Variants in HDAC4 observed in about 807,000 individuals in gnomAD.
HDAC4 encodes histone deacetylase A.
A neutral mutation model predicts 135.1 loss-of-function variants in HDAC4; 16 were observed. That is an observed-to-expected ratio of 0.12 (90% confidence interval 0.08 to 0.18). The LOEUF is 0.18. Among genes scored for constraint, HDAC4 ranks in the 10% least tolerant of loss-of-function variants. HDAC4 has a pLI of 1.00. For synonymous variants in HDAC4, 685 were observed against 653.4 expected (o/e 1.05, Z -0.74); for missense variants, 1,143 against 1,511.8 (o/e 0.76, Z 4.05).
At chr2:239,209,767 T>G (rs1414910212) in intron 3 of HDAC4, among the ~76,000 whole-genome samples, 1 of 152,200 alleles carries the variant, frequency 6.6e-6, no homozygotes, top group Non-Finnish European at 1.5e-5. Flanking sequence ...AGGACCTGTA[T>G]CCGTAACATG....
intron 1 of HDAC4, among the ~76,000 whole-genome samples, chr2:239,359,314 C>A (rs954804206): frequency 9.9e-5 from 15 of 152,212 alleles, no homozygotes; most frequent in African/African-American, 3.4e-4. Flanking sequence ...TTTGAAAATG[C>A]ATATACCCAT....
chr2:239,080,387 G>T lies in HDAC4; in HGVS notation c.2750+708C>A, dbSNP rs757765171. Among the ~76,000 whole-genome samples, 3 of 152,184 alleles carry T rather than the reference G, an allele frequency of 2.0e-5. No individual in the cohort carries two copies. In the South Asian group the frequency reaches 6.2e-4, roughly 32 times the overall value. ...CTAATAAAACCCTTCTCCTCACGTG[G>T]CTCTGGGAACCGATGTGGGCTGTGG... On this transcript the variant is annotated intron_variant, in intron 22 of 26. Coordinates refer to ENST00000543185, the MANE Select transcript of HDAC4 (RefSeq NM_001378414.1).
rs150148387 is a variant in HDAC4 at position 239,381,584 on chromosome 2, T to C, written c.-220+19394A>G. On this transcript the variant is annotated intron_variant, in intron 1 of 26. Transcript: ENST00000543185. ...AATTACTATTTAAGTTCTATGACTG[T>C]ACAGTGGAACAAAATCCATACTGGG... 3.5e-3 allele frequency among the ~76,000 whole-genome samples: 536 copies of C among 152,364 alleles called. 4 individuals are homozygous for C. Among genetic ancestry groups the C allele is most frequent in the African/African-American group, 0.012 (512 of 41,590 alleles).
intron 2 of HDAC4, among the ~76,000 whole-genome samples, chr2:239,250,358 C>T (rs1291824447): frequency 6.6e-6 from 1 of 152,230 alleles, no homozygotes; most frequent in Non-Finnish European, 1.5e-5. Context: ...CCCCAGAGAT[C>T]CCGGGGCCAC....
In HDAC4 at chr2:239,368,465, C is replaced by T. The variant is rs59182490; in HGVS notation, c.-219-15547G>A. 1.6e-3 allele frequency among the ~76,000 whole-genome samples: 245 copies of T among 152,290 alleles called. 3 individuals are homozygous for T. Among genetic ancestry groups the T allele is most frequent in the African/African-American group, 5.6e-3 (234 of 41,554 alleles). Reference sequence around the variant, plus strand: ...GGGTCTCATCAAGGCAGCAGAACAGCTTCTTGAAACAAACTCAAGATTGAC... The same window carrying T: ...GGGTCTCATCAAGGCAGCAGAACAGTTTCTTGAAACAAACTCAAGATTGAC... On this transcript the variant is annotated intron_variant, in intron 1 of 26. Coordinates refer to ENST00000543185, the MANE Select transcript of HDAC4 (RefSeq NM_001378414.1).
Position 239,323,808 on chromosome 2 carries a change from A to AG in HDAC4, c.22+28869dup, listed in dbSNP as rs35554416. On this transcript the variant is annotated intron_variant, in intron 2 of 26. Transcript: ENST00000543185. ...ATCACACACACCTGGGGGCCTGCAC[A>AG]GGGAAAAAACGCTGCCACTCAAGCA... Among the ~76,000 whole-genome samples, 4 of 152,176 alleles carry AG rather than the reference A, an allele frequency of 2.6e-5. No homozygotes were observed. In the East Asian group the frequency reaches 5.8e-4, roughly 22 times the overall value.
chr2:239,050,075 C>G lies in HDAC4; in HGVS notation c.*3022G>C, dbSNP rs753821844. The G allele has an allele frequency of 1.7e-4, 26 of 152,662 alleles. No individual in the cohort carries two copies. The highest frequency in any genetic ancestry group is 3.2e-4 in the Non-Finnish European group (22 of 68,068). The allele number at this position is 152,662 out of a possible 1,614,324, so 9.5% of individuals were successfully genotyped here. A position where few individuals can be genotyped will look rare whatever the true frequency, so the allele number is the denominator to read the frequency against. ...GACGCCGAGGCAGATCCTCTGCCAT[C>G]TGCCCTGGACGCTTGCTGTGGAGAA... On this transcript the variant is annotated 3_prime_UTR_variant, in exon 27 of 27. Transcript: ENST00000543185.
At chr2:239,391,165 C>T (rs1395708878) in intron 1 of HDAC4, among the ~76,000 whole-genome samples, 1 of 152,196 alleles carries the variant, frequency 6.6e-6, no homozygotes, top group Non-Finnish European at 1.5e-5. Flanking sequence ...CTCTGCATAC[C>T]GGGTAGGGAC....
At chr2:239,387,796 T>C (rs1695926123) in intron 1 of HDAC4, among the ~76,000 whole-genome samples, 1 of 152,068 alleles carries the variant, frequency 6.6e-6, no homozygotes, top group Admixed American at 6.5e-5. Flanking sequence ...CTCACTCTAC[T>C]TTCCAACAAG....
At chr2:239,253,218 A>C (rs927254647) in intron 2 of HDAC4, among the ~76,000 whole-genome samples, 1 of 152,250 alleles carries the variant, frequency 6.6e-6, no homozygotes, top group Admixed American at 6.5e-5. Context: ...ATCATACGGC[A>C]AAGAAAACAC....
chr2:239,071,687 G>A (rs560351376), intron 22 of HDAC4, among the ~76,000 whole-genome samples: 4 of 152,084 alleles, frequency 2.6e-5, no homozygotes, highest in South Asian at 4.2e-4. Flanking sequence ...TGGGAAAGCC[G>A]TGCTCCATCT....
chr2:239,182,098 G>A (rs1035988091), intron 4 of HDAC4, among the ~76,000 whole-genome samples: 2 of 152,198 alleles, frequency 1.3e-5, no homozygotes, highest in Non-Finnish European at 2.9e-5. Flanking sequence ...CCGGAGCTGT[G>A]TACACAGGGA....
At chr2:239,244,866 G>C (rs576932748) in intron 2 of HDAC4, among the ~76,000 whole-genome samples, 44 of 152,280 alleles carry the variant, frequency 2.9e-4, no homozygotes, top group South Asian at 1.0e-3. Context: ...GCATAGGCTT[G>C]ATGCTCCATA....
chr2:239,221,046 G>A (rs747495110), intron 3 of HDAC4, among the ~76,000 whole-genome samples: 5 of 152,128 alleles, frequency 3.3e-5, no homozygotes, highest in Non-Finnish European at 7.3e-5. Context: ...TTCTGCGGGC[G>A]GTGGCGTGTG....
chr2:239,088,930 G>GT (rs1256896003), intron 18 of HDAC4, among the ~76,000 whole-genome samples: 1 of 152,132 alleles, frequency 6.6e-6, no homozygotes, highest in Non-Finnish European at 1.5e-5. Context: ...GAAGATCCAT[G>GT]TAACTCCGTG....
chr2:239,287,985 A>AC (rs933438115), intron 2 of HDAC4, among the ~76,000 whole-genome samples: 1 of 151,980 alleles, frequency 6.6e-6, no homozygotes, highest in African/African-American at 2.4e-5. Flanking sequence ...GGAAATATGA[A>AC]CCCCAAATAG....
At chr2:239,105,703 T>C (rs575048648) in intron 15 of HDAC4, among the ~76,000 whole-genome samples, 1 of 152,282 alleles carries the variant, frequency 6.6e-6, no homozygotes, top group African/African-American at 2.4e-5. Context: ...GGGCCTGGGC[T>C]TCGGTCTTGC....
rs920854230 is a variant in HDAC4, at chr2:239,167,231, G to T, written c.491-3308C>A. 6.6e-6 allele frequency among the ~76,000 whole-genome samples: 1 copy of T among 152,196 alleles called. No individual in the cohort carries two copies. The highest frequency in any genetic ancestry group is 2.4e-5 in the African/African-American group (1 of 41,462). ...AGTTCCCAGGGACAGCTGTTACTGT[G>T]GATCCACTGGCCCTCCACGGGGGAG... On this transcript the variant is annotated intron_variant, in intron 5 of 26. Transcript: ENST00000543185. The surrounding 1 kb of genome is among the most constrained non-coding windows in gnomAD (Gnocchi z 4.1).
chr2:239,062,578 G>A (rs944207664), intron 24 of HDAC4, among the ~76,000 whole-genome samples: 2 of 152,234 alleles, frequency 1.3e-5, no homozygotes, highest in Non-Finnish European at 2.9e-5. Flanking sequence ...GGCTGAAAGC[G>A]AAGTTCCCTA....
Sources: allele counts gnomAD v4.1 joint callset (sites outside exome capture counted in the v4.1 genomes callset), GRCh38; gene constraint gnomAD v4.1.1; non-coding constraint Gnocchi (gnomAD v3.1); transcripts MANE v1.5; gene names NCBI Gene and HGNC (gene_info 2026-07-23, HGNC 2026-07-21).